The following ARFGEF2 variants were observed in gnomAD, a reference collection of about 807,000 sequenced individuals.
ARFGEF2 encodes the protein ARF guanine nucleotide exchange factor 2, also known as brefeldin A-inhibited guanine nucleotide-exchange protein 2.
In ARFGEF2, 74 loss-of-function variants were observed where a neutral mutation model predicts 219.9. The ratio of observed to expected loss-of-function variants is 0.34; its 90% CI spans 0.28 to 0.41. ARFGEF2 has a LOEUF of 0.41. ARFGEF2 is among the 10% of genes least tolerant of loss of function. The probability of loss-of-function intolerance (pLI) is 1.00; values close to 1 mark genes in which losing one functional copy is unlikely to be tolerated. For missense variants in ARFGEF2, 1,743 were observed against 2,218.3 expected, an observed-to-expected ratio of 0.79 and a Z score of 4.30; for synonymous variants, 733 against 799.2, an observed-to-expected ratio of 0.92 and a Z score of 1.40.
rs961637401 is a variant in ARFGEF2 at position 49,033,868 on chromosome 20, A to C, written c.*669A>C. 1.3e-5 allele frequency: 2 copies of C among 152,562 alleles called. No homozygotes were observed. The highest frequency in any genetic ancestry group is 4.8e-5 in the African/African-American group (2 of 41,456). The allele number at this position is 152,562 out of a possible 1,614,324, so 9.5% of individuals were successfully genotyped here. On this transcript the variant is annotated 3_prime_UTR_variant, in exon 39 of 39. Transcript: ENST00000371917. ...ATTAAGAGTTTTGCGAGGTTAAAAA[A>C]ATGTGCCTCGTGGATCTCCCTGTTT...
intron 6 of ARFGEF2, among the ~76,000 whole-genome samples, chr20:48,959,471 C>CCTTCCTCCCTT (rs2091127992): frequency 4.8e-4 from 1 of 2,066 alleles, no homozygotes; most frequent in Non-Finnish European, 1.0e-3. Context: ...CTCCCTTCTT[C>CCTTCCTCCCTT]TCTCCTTCTC....
At chr20:48,961,107 A>AATAATAATAATAATG (rs1185307686) in intron 6 of ARFGEF2, among the ~76,000 whole-genome samples, 1 of 148,892 alleles carries the variant, frequency 6.7e-6, no homozygotes, top group Admixed American at 6.7e-5. Flanking sequence ...TAATAATAAT[A>AATAATAATAATAATG]ATAATTTTCT....
In ARFGEF2 at chr20:48,933,222, G is replaced by A. The variant is rs576703943; in HGVS notation, c.122-7977G>A. Among the ~76,000 whole-genome samples the A allele has an allele frequency of 3.7e-4, 56 of 152,318 alleles. 1 individual carries two copies. In the South Asian group the frequency reaches 0.011, roughly 31 times the overall value. ...CCCCATTGGCAGTTGGGAAGGCAAC[G>A]CCTGTTAAGATGTGGAGCAATAAAG... On this transcript the variant is annotated intron_variant, in intron 1 of 38. Transcript: ENST00000371917.
chr20:48,957,907 T>C (rs963474680), intron 6 of ARFGEF2, among the ~76,000 whole-genome samples: 1 of 152,200 alleles, frequency 6.6e-6, no homozygotes, highest in Non-Finnish European at 1.5e-5. Context: ...ATATGAGTTA[T>C]ATACTCTATC....
chr20:48,940,293 A>G (rs2090985563), intron 1 of ARFGEF2, among the ~76,000 whole-genome samples: 1 of 152,230 alleles, frequency 6.6e-6, no homozygotes, highest in African/African-American at 2.4e-5. Context: ...TCAACTGTAA[A>G]CTTAAAAGAT....
intron 8 of ARFGEF2, among the ~76,000 whole-genome samples, chr20:48,967,932 T>C (rs2091198682): frequency 1.3e-5 from 2 of 152,230 alleles, no homozygotes; most frequent in South Asian, 4.1e-4. Context: ...TCATATTTCC[T>C]TAATGAATTA....
intron 37 of ARFGEF2, among the ~76,000 whole-genome samples, chr20:49,029,709 G>A (rs1406618307): frequency 1.3e-5 from 2 of 150,508 alleles, no homozygotes; most frequent in Admixed American, 6.7e-5. Context: ...CTCCTGCCTC[G>A]GCCTCCTGAG....
chr20:49,000,167 A>G (rs561343148), intron 25 of ARFGEF2, among the ~76,000 whole-genome samples: 3 of 152,234 alleles, frequency 2.0e-5, no homozygotes, highest in Non-Finnish European at 2.9e-5. Context: ...CTCCCCTGAA[A>G]TGAAGCATTG....
intron 1 of ARFGEF2, among the ~76,000 whole-genome samples, chr20:48,936,780 GCCT>G (rs1258305941): frequency 6.6e-6 from 1 of 152,134 alleles, no homozygotes; most frequent in East Asian, 1.9e-4. Context: ...GCCTGCCTGG[GCCT>G]CCCAAAGTGC....
At chr20:48,992,594 G>C (rs532469776) in intron 21 of ARFGEF2, among the ~76,000 whole-genome samples, 156 of 152,234 alleles carry the variant, frequency 1.0e-3, no homozygotes, top group African/African-American at 3.7e-3. Context: ...ATCTTCACAG[G>C]GTGGTTATGA....
At chr20:49,012,160 A>G in intron 28 of ARFGEF2, 76 bp downstream of exon 28, 2 of 1,588,732 alleles carry the variant, frequency 1.3e-6, no homozygotes, top group Non-Finnish European at 8.6e-7. Context: ...GCTCCTAACA[A>G]AGAGCTTTCC....
At chr20:49,017,154 T>G in intron 31 of ARFGEF2, 95 bp from the exon 32 acceptor site, 2 of 1,270,726 alleles carry the variant, frequency 1.6e-6, no homozygotes, top group Non-Finnish European at 2.2e-6. Context: ...AACTCACCAG[T>G]TGCTGTCTCC....
intron 3 of ARFGEF2, among the ~76,000 whole-genome samples, chr20:48,945,125 T>C (rs906214414): frequency 3.9e-5 from 6 of 152,120 alleles, no homozygotes; most frequent in African/African-American, 1.4e-4. Flanking sequence ...ATGAGGGACC[T>C]ACCCTCATGA....
At chr20:48,947,396 C>T in intron 3 of ARFGEF2, among the ~76,000 whole-genome samples, 1 of 148,260 alleles carries the variant, frequency 6.7e-6, no homozygotes, top group Non-Finnish European at 1.5e-5. Flanking sequence ...TGAGACTCTG[C>T]CTCCAAAAAT....
chr20:48,999,746 TAAAAAAAAAAA>T (rs761792091), intron 25 of ARFGEF2, among the ~76,000 whole-genome samples: 2 of 111,408 alleles, frequency 1.8e-5, no homozygotes, highest in Admixed American at 2.0e-4. Context: ...GACTCCGTCT[TAAAAAAAAAAA>T]AAAAAAAAAA....
chr20:48,977,751 G>T (rs905941449), intron 14 of ARFGEF2, among the ~76,000 whole-genome samples: 1 of 152,180 alleles, frequency 6.6e-6, no homozygotes, highest in Admixed American at 6.5e-5. Context: ...TTTTTCATGT[G>T]TCCGTTGGCT....
chr20:48,990,056 A>G lies in ARFGEF2; in HGVS notation c.2814+372A>G, dbSNP rs368359744. 1.1e-4 allele frequency among the ~76,000 whole-genome samples: 16 copies of G among 152,224 alleles called. 1 individual carries two copies. The highest frequency in any genetic ancestry group is 8.3e-4 in the South Asian group (4 of 4,826). On this transcript the variant is annotated intron_variant, in intron 20 of 38. Coordinates refer to ENST00000371917, the MANE Select transcript of ARFGEF2 (RefSeq NM_006420.3). Reference sequence around the variant, plus strand: ...TAGCCGGGTGTGGTGGTACATGCCTATAATCCCAGCTACTCGGGAGGCTGA... The same window carrying G: ...TAGCCGGGTGTGGTGGTACATGCCTGTAATCCCAGCTACTCGGGAGGCTGA...
chr20:48,959,422 TCCC>T (rs2091126230), intron 6 of ARFGEF2, among the ~76,000 whole-genome samples: 2 of 130,866 alleles, frequency 1.5e-5, no homozygotes, highest in African/African-American at 2.8e-5. Flanking sequence ...CCTCCCTCCC[TCCC>T]TTCTTCCTTC....
rs1039724431 is a variant in ARFGEF2 at position 49,012,083 on chromosome 20, G to A, written c.3917G>A (p.Arg1306Gln). Residue 1306 changes from arginine to glutamine, a missense_variant and splice_region_variant, in exon 28 of 39, where the codon CGG becomes CAG. Around this residue, in one of 5 missense-constraint regions of ARFGEF2, gnomAD observed 578 missense variants for 664.0 expected, o/e 0.87. Transcript: ENST00000371917. ...FCGKYVSERP[R>Q]VLQEYTSDDM... ...GGCAAATACGTCTCTGAGAGGCCTCGGGTTCGTTTTTCCCCACCTTACTCA... is the reference window on the plus strand; with the variant it reads ...GGCAAATACGTCTCTGAGAGGCCTCAGGTTCGTTTTTCCCCACCTTACTCA... 13 of 1,614,026 alleles carry A rather than the reference G, an allele frequency of 8.1e-6. No homozygotes were observed. Among genetic ancestry groups the A allele is most frequent in the Admixed American group, 1.7e-5 (1 of 59,996 alleles).
Sources: gnomAD v4.1 joint callset for allele counts (sites outside exome capture counted in the v4.1 genomes callset) on GRCh38, gnomAD v4.1.1 for gene constraint, gnomAD v4.1.1 regional missense constraint, MANE v1.5 for transcripts, NCBI Gene and HGNC (gene_info 2026-07-23, HGNC 2026-07-21) for gene names.